AKT3: variants seen among roughly 807,000 people sequenced by gnomAD.
The protein encoded by AKT3 is AKT serine/threonine kinase 3, also known as RAC-gamma serine/threonine-protein kinase.
Under a neutral mutation model 65.3 loss-of-function variants are expected in AKT3, and 15 were observed. The ratio of observed to expected loss-of-function variants is 0.23; its 90% confidence interval spans 0.15 to 0.35. The LOEUF (loss-of-function observed/expected upper bound fraction) is 0.35. Among genes scored for constraint, AKT3 ranks in the 10% least tolerant of loss-of-function variants. The pLI, the probability that AKT3 is intolerant of heterozygous loss-of-function variation, is 1.00. For missense variants in AKT3, 243 were observed against 576.5 expected, an observed-to-expected ratio of 0.42 and a Z score of 5.92; for synonymous variants, 206 against 183.8, an observed-to-expected ratio of 1.12 and a Z score of -0.98.
At chr1:243,840,457 T>C (rs1025539066) in intron 2 of AKT3, among the ~76,000 whole-genome samples, 1 of 152,178 alleles carries the variant, frequency 6.6e-6, no homozygotes, top group Non-Finnish European at 1.5e-5. Flanking sequence ...GGCACATGTA[T>C]ACCTATGTAA....
intron 2 of AKT3, among the ~76,000 whole-genome samples, chr1:243,710,768 G>C (rs909554476): frequency 3.9e-5 from 6 of 152,136 alleles, no homozygotes; most frequent in Admixed American, 6.5e-5. Flanking sequence ...AAACACTTCT[G>C]CTTATCTCAG....
intron 3 of AKT3, among the ~76,000 whole-genome samples, chr1:243,681,898 T>C (rs1683945558): frequency 6.6e-6 from 1 of 152,120 alleles, no homozygotes; most frequent in Admixed American, 6.6e-5. Flanking sequence ...TAAAACACCT[T>C]GTAAAAAGCA....
intron 10 of AKT3, among the ~76,000 whole-genome samples, chr1:243,561,357 T>A (rs1673761161): frequency 6.6e-6 from 1 of 152,150 alleles, no homozygotes; most frequent in African/African-American, 2.4e-5. Context: ...AAAATTACGA[T>A]TATTTATATT....
intron 2 of AKT3, among the ~76,000 whole-genome samples, chr1:243,743,774 G>A (rs1688311705): frequency 6.6e-6 from 1 of 152,144 alleles, no homozygotes; most frequent in Non-Finnish European, 1.5e-5. Context: ...TGTAATCCCA[G>A]CACTTTGGAA....
intron 10 of AKT3, among the ~76,000 whole-genome samples, chr1:243,557,728 A>G (rs2148476249): frequency 6.6e-6 from 1 of 152,122 alleles, no homozygotes; most frequent in Non-Finnish European, 1.5e-5. Flanking sequence ...TTCTATCTGA[A>G]CTCATCCCTC....
chr1:243,833,254 A>C (rs1029446206), intron 2 of AKT3, among the ~76,000 whole-genome samples: 1 of 152,166 alleles, frequency 6.6e-6, no homozygotes, highest in Non-Finnish European at 1.5e-5. Flanking sequence ...TCCATATCAA[A>C]AAACAAACAA....
At chr1:243,809,228 C>T (rs1358534294) in intron 2 of AKT3, among the ~76,000 whole-genome samples, 1 of 152,166 alleles carries the variant, frequency 6.6e-6, no homozygotes, top group Non-Finnish European at 1.5e-5. Context: ...TTAAAAGACA[C>T]AGACTGGCAA....
At chr1:243,795,475 GGT>G (rs1558818040) in intron 2 of AKT3, among the ~76,000 whole-genome samples, 1 of 88,016 alleles carries the variant, frequency 1.1e-5, no homozygotes, top group Non-Finnish European at 1.9e-5. Flanking sequence ...TTTTTTTTTT[GGT>G]TTTTTTTTTT....
intron 2 of AKT3, among the ~76,000 whole-genome samples, chr1:243,842,132 T>C (rs991096810): frequency 6.6e-6 from 1 of 152,174 alleles, no homozygotes; most frequent in Non-Finnish European, 1.5e-5. Flanking sequence ...ATTATGACTT[T>C]ACATTGCTTA....
chr1:243,820,799 T>A (rs2148422324), intron 2 of AKT3, among the ~76,000 whole-genome samples: 1 of 152,286 alleles, frequency 6.6e-6, no homozygotes, highest in African/African-American at 2.4e-5. Context: ...AGACCAAATC[T>A]ATGACTGATT....
intron 2 of AKT3, among the ~76,000 whole-genome samples, chr1:243,724,167 T>C (rs926338486): frequency 6.6e-6 from 1 of 151,328 alleles, no homozygotes; most frequent in African/African-American, 2.4e-5. Context: ...CTGTCATCCC[T>C]GCAGTCCTCA....
At chr1:243,584,390 G>A (rs1047546974) in intron 8 of AKT3, among the ~76,000 whole-genome samples, 7 of 152,086 alleles carry the variant, frequency 4.6e-5, no homozygotes, top group African/African-American at 1.2e-4. Flanking sequence ...AAGGTACAAG[G>A]AAGAGGTGGT....
At chr1:243,659,223 C>T (rs1305231405) in intron 4 of AKT3, among the ~76,000 whole-genome samples, 1 of 152,162 alleles carries the variant, frequency 6.6e-6, no homozygotes, top group African/African-American at 2.4e-5. Flanking sequence ...TAGTCGAATT[C>T]ACAGAAGCAG....
At chr1:243,687,855 A>G (rs1056944426) in intron 3 of AKT3, 2 of 152,194 alleles carry the variant, frequency 1.3e-5, no homozygotes, top group African/African-American at 4.8e-5. Flanking sequence ...TTCTGCAAAT[A>G]TCTGAACATA....
chr1:243,775,515 G>A lies in AKT3; in HGVS notation c.46+67610C>T, dbSNP rs542814684. On this transcript the variant is annotated intron_variant, in intron 2 of 13. Coordinates refer to ENST00000673466, the MANE Select transcript of AKT3 (RefSeq NM_005465.7). ...CAAATTCTAAGTCACTCACCCACCG[G>A]CCATCTTATGAATCCTGTGTCTCCT... Among the ~76,000 whole-genome samples the A allele has an allele frequency of 6.6e-5, 10 of 152,168 alleles. 1 individual carries two copies. In the South Asian group the frequency reaches 1.9e-3, roughly 28 times the overall value.
At chr1:243,808,508 T>C (rs1692901910) in intron 2 of AKT3, among the ~76,000 whole-genome samples, 1 of 152,074 alleles carries the variant, frequency 6.6e-6, no homozygotes, top group African/African-American at 2.4e-5. Context: ...TGAACAAAGC[T>C]TCCAAGAAAT....
At chr1:243,598,242 A>G (rs1676763737) in intron 8 of AKT3, among the ~76,000 whole-genome samples, 1 of 152,162 alleles carries the variant, frequency 6.6e-6, no homozygotes, top group African/African-American at 2.4e-5. Flanking sequence ...AAGGTTTTTG[A>G]GGTAAAATAT....
At chr1:243,797,985 C>A (rs1328904404) in intron 2 of AKT3, among the ~76,000 whole-genome samples, 1 of 150,634 alleles carries the variant, frequency 6.6e-6, no homozygotes, top group Non-Finnish European at 1.5e-5. Context: ...TGGGCTCATG[C>A]CATTCTTCTG....
At chr1:243,653,729 C>G (rs1018385324) in intron 4 of AKT3, among the ~76,000 whole-genome samples, 1 of 152,084 alleles carries the variant, frequency 6.6e-6, no homozygotes, top group African/African-American at 2.4e-5. Context: ...CCATTTTTAT[C>G]CCTTTAATTC....
Sources: allele counts gnomAD v4.1 joint callset (sites outside exome capture counted in the v4.1 genomes callset), GRCh38; gene constraint gnomAD v4.1.1; transcripts MANE v1.5; gene names NCBI Gene and HGNC (gene_info 2026-07-23, HGNC 2026-07-21).